Variants in CASP6 observed in about 807,000 individuals in gnomAD.
CASP6 encodes caspase-6.
Under a neutral mutation model 31.8 loss-of-function variants are expected in CASP6, and 20 were observed. The observed-to-expected ratio is 0.63, with a 90% CI of 0.44 to 0.91. The LOEUF (loss-of-function observed/expected upper bound fraction) is 0.91, where lower values mean the gene tolerates loss of function less well. CASP6 is among the 40% of genes least tolerant of loss of function. The pLI is 0.00. For synonymous variants in CASP6, 130 were observed against 127.8 expected (o/e 1.02, Z -0.12); for missense variants, 328 against 361.1 (o/e 0.91, Z 0.74).
upstream of CASP6, among the ~76,000 whole-genome samples, chr4:109,705,266 T>C (rs925634596): frequency 1.4e-4 from 21 of 152,218 alleles, no homozygotes; most frequent in African/African-American, 4.6e-4. Flanking sequence ...AGCACATCTA[T>C]TTACAGCATG....
upstream of CASP6, among the ~76,000 whole-genome samples, chr4:109,706,172 C>CATATATATATATATATAT (rs1561266955): frequency 1.2e-4 from 7 of 58,918 alleles, no homozygotes; most frequent in African/African-American, 6.8e-4. Flanking sequence ...TATATATATA[C>CATATATATATATATATAT]ACACACACAT....
chr4:109,704,514 A>G (rs2126163008), upstream of CASP6, among the ~76,000 whole-genome samples: 1 of 152,342 alleles, frequency 6.6e-6, no homozygotes, highest in African/African-American at 2.4e-5. Flanking sequence ...TAACTCTTCA[A>G]TTCTATGGAG....
the CASP6 span, chr4:109,682,736 TG>T: frequency 6.2e-7 from 1 of 1,612,674 alleles, no homozygotes; most frequent in Admixed American, 1.7e-5. Context: ...TGCAGCCCCT[TG>T]AACAGGTTAG....
the CASP6 span, chr4:109,682,614 G>C: frequency 6.2e-7 from 1 of 1,612,994 alleles, no homozygotes; most frequent in Non-Finnish European, 8.5e-7. Flanking sequence ...TGCTGAGATG[G>C]AACACATGAA....
At chr4:109,698,424 C>T in intron 1 of CASP6, 82 bp from the exon 2 acceptor site, 2 of 1,176,466 alleles carry the variant, frequency 1.7e-6, no homozygotes, top group Non-Finnish European at 2.5e-6. Context: ...CCCCTTCTGA[C>T]TCCCAAACTC....
the CASP6 span, chr4:109,673,999 A>C: frequency 9.3e-7 from 1 of 1,069,672 alleles, no homozygotes; most frequent in African/African-American, 1.6e-5. Context: ...GAGCAGGGGA[A>C]ATACTAAAAT....
downstream of CASP6, chr4:109,688,541 A>G (rs1729910444): frequency 6.6e-6 from 1 of 152,252 alleles, no homozygotes; most frequent in South Asian, 2.1e-4. Context: ...TGTAGATGAA[A>G]TATTAAACAT....
chr4:109,670,761 A>G, the CASP6 span, among the ~76,000 whole-genome samples: 2 of 151,866 alleles, frequency 1.3e-5, no homozygotes, highest in Non-Finnish European at 2.9e-5. Context: ...ATTCTCTGGC[A>G]TATTTCAAAA....
downstream of CASP6, among the ~76,000 whole-genome samples, chr4:109,684,155 T>C (rs1404366175): frequency 4.0e-5 from 6 of 151,420 alleles, no homozygotes; most frequent in Admixed American, 6.6e-5. Flanking sequence ...CTCCACCTCC[T>C]GGGTTCACGC....
upstream of CASP6, chr4:109,703,728 C>T: frequency 2.1e-6 from 1 of 466,340 alleles, no homozygotes. Context: ...ACCGCCTAGC[C>T]CGAGGCAATT....
chr4:109,687,503 T>A, downstream of CASP6: 2 of 1,596,476 alleles, frequency 1.3e-6, no homozygotes, highest in Non-Finnish European at 1.7e-6. Context: ...CTTTTTCTTT[T>A]TCCCATGACA....
chr4:109,687,512 C>G, downstream of CASP6: 1 of 1,603,832 alleles, frequency 6.2e-7, no homozygotes, highest in Non-Finnish European at 8.5e-7. Flanking sequence ...TTTCCCATGA[C>G]AGGCTAAAGA....
chr4:109,698,401 A>G, intron 1 of CASP6, 59 bp from the exon 2 acceptor site: 1 of 1,435,514 alleles, frequency 7.0e-7, no homozygotes, highest in South Asian at 1.2e-5. Flanking sequence ...AAAATATAGT[A>G]GGAACTCCCA....
upstream of CASP6, chr4:109,703,595 C>T: frequency 1.6e-6 from 1 of 638,568 alleles, no homozygotes; most frequent in Non-Finnish European, 2.6e-6. Context: ...CTCCCAGTCG[C>T]TCCGGAGCCC....
the CASP6 span, chr4:109,674,060 G>A: frequency 2.9e-6 from 4 of 1,402,362 alleles, no homozygotes; most frequent in Non-Finnish European, 4.0e-6. Context: ...TTTGTTGTAG[G>A]AGCAATGACT....
chr4:109,697,817 T>C (rs764645228), intron 2 of CASP6, 49 bp from the exon 3 acceptor site: 5 of 1,585,708 alleles, frequency 3.2e-6, no homozygotes, highest in Admixed American at 3.5e-5. Flanking sequence ...TATTAAATAA[T>C]GAGCCCCTCC....
chr4:109,684,506 G>A (rs1370925554), downstream of CASP6: 17 of 1,613,880 alleles, frequency 1.1e-5, no homozygotes, highest in Admixed American at 5.0e-5. Flanking sequence ...GGCTGGATTG[G>A]CACTGCTGTC....
intron 5 of CASP6, 23 bp from the exon 6 acceptor site, chr4:109,691,032 C>A: frequency 6.3e-7 from 1 of 1,596,070 alleles, no homozygotes; most frequent in South Asian, 1.1e-5. Context: ...GAGGAAAAAC[C>A]CACCTCTTTG....
At chr4:109,673,498 T>G in the CASP6 span, among the ~76,000 whole-genome samples, 1 of 152,194 alleles carries the variant, frequency 6.6e-6, no homozygotes, top group Non-Finnish European at 1.5e-5. Context: ...CCTCAGCTTA[T>G]GAAAACTGTA....
Sources: allele counts gnomAD v4.1 joint callset (sites outside exome capture counted in the v4.1 genomes callset), GRCh38; gene constraint gnomAD v4.1.1; transcripts MANE v1.5; gene names NCBI Gene and HGNC (gene_info 2026-07-23, HGNC 2026-07-21).